Variants in VPS8 observed in about 807,000 individuals in gnomAD.
VPS8 encodes vacuolar protein sorting-associated protein 8 homolog.
VPS8 carries 129 observed loss-of-function variants against 216.4 expected under a neutral mutation model. That is an observed-to-expected ratio of 0.60 (90% CI 0.52 to 0.69). The LOEUF is 0.69. Ranked by LOEUF, VPS8 falls within the 30% of genes least tolerant of loss-of-function variation. The pLI, the probability that VPS8 is intolerant of heterozygous loss-of-function variation, is 0.00. For synonymous variants in VPS8, 571 were observed against 565.4 expected, an observed-to-expected ratio of 1.01 and a Z score of -0.14; for missense variants, 1,531 against 1,683.5, an observed-to-expected ratio of 0.91 and a Z score of 1.59.
chr3:184,971,654 AAAGAGG>A lies in VPS8; in HGVS notation c.3324_3329del (p.Lys1108_Asp1110delinsAsn). ...TACACTTTTTCTAAATCTAGATACC[AAAGAGG>A]ATCCCTCATTGAAGGATGTTGAAGA... On this transcript the variant is annotated inframe_deletion, in exon 40 of 48. Coordinates refer to ENST00000625842, the MANE Select transcript of VPS8 (RefSeq NM_001009921.3). 1 of 1,611,702 alleles carries A rather than the reference AAAGAGG, an allele frequency of 6.2e-7. No homozygotes were observed. Among genetic ancestry groups the A allele is most frequent in the Non-Finnish European group, 8.5e-7 (1 of 1,178,604 alleles).
rs946979717 is a variant in VPS8, at chr3:184,829,928, C to A, written c.223-2761C>A. ...TAATACAAGCCCTTTATTTGATGTA[C>A]ATATTTTATCTTCTTTCTTTCTGTA... is the stretch of plus-strand genomic sequence containing the variant. On this transcript the variant is annotated intron_variant, in intron 3 of 47. Transcript: ENST00000625842. 2.0e-5 allele frequency among the ~76,000 whole-genome samples: 3 copies of A among 151,936 alleles called. No individual in the cohort carries two copies. The South Asian group carries it at 6.2e-4, about 32-fold the overall frequency.
intron 22 of VPS8, among the ~76,000 whole-genome samples, chr3:184,888,149 G>T (rs1414181895): frequency 6.6e-6 from 1 of 151,910 alleles, no homozygotes; most frequent in Non-Finnish European, 1.5e-5. Context: ...CACCATGCCC[G>T]GCTAATTTTT....
At chr3:184,924,641 G>T (rs1431177082) in intron 29 of VPS8, among the ~76,000 whole-genome samples, 1 of 152,126 alleles carries the variant, frequency 6.6e-6, no homozygotes, top group Non-Finnish European at 1.5e-5. Flanking sequence ...CATCCGAATT[G>T]TGATAGAAAT....
chr3:185,052,379 T>C lies in VPS8; in HGVS notation c.*354T>C, dbSNP rs1561291382. ...TAGGTGGAACTCACACAAATGGCAT[T>C]CCAGAGTCTGCCATACTCCGTCTCC... On this transcript the variant is annotated 3_prime_UTR_variant, in exon 48 of 48. Transcript: ENST00000625842. The C allele has an allele frequency of 5.3e-6, 1 of 189,910 alleles. No individual in the cohort carries two copies. Among genetic ancestry groups the C allele is most frequent in the African/African-American group, 2.4e-5 (1 of 42,146 alleles). 11.8% of individuals were successfully genotyped at this position (189,910 alleles called of 1,614,324 possible). A position where few individuals can be genotyped will look rare whatever the true frequency, so the allele number is the denominator to read the frequency against.
At chr3:184,999,547 T>G (rs1209161388) in intron 44 of VPS8, 149 bp from the exon 45 acceptor site, 9 of 919,906 alleles carry the variant, frequency 9.8e-6, no homozygotes. Context: ...CAGCAGCAAG[T>G]ACATTCCCTT....
chr3:184,943,874 G>T (rs1383682924), intron 36 of VPS8, among the ~76,000 whole-genome samples: 3 of 152,214 alleles, frequency 2.0e-5, no homozygotes, highest in Non-Finnish European at 4.4e-5. Flanking sequence ...GGCCAAGGCG[G>T]GCGGACCACC....
chr3:185,009,190 AC>A (rs1754655749), intron 45 of VPS8, among the ~76,000 whole-genome samples: 1 of 152,240 alleles, frequency 6.6e-6, no homozygotes, highest in South Asian at 2.1e-4. Flanking sequence ...TGAAAGTAAT[AC>A]CAAGACATTG....
intron 39 of VPS8, among the ~76,000 whole-genome samples, chr3:184,968,138 T>C (rs1242536668): frequency 6.6e-6 from 1 of 152,230 alleles, no homozygotes; most frequent in African/African-American, 2.4e-5. Context: ...AATGAAATTA[T>C]ATAGTGTTTG....
At chr3:184,937,586 CTGTAGGAACAA>C (rs1741870200) in intron 35 of VPS8, among the ~76,000 whole-genome samples, 2 of 152,120 alleles carry the variant, frequency 1.3e-5, no homozygotes, top group Non-Finnish European at 2.9e-5. Flanking sequence ...GTGAAAAGTA[CTGTAGGAACAA>C]GAGAAGAGGG....
At position 184,834,794 on chromosome 3, in the gene VPS8, A is replaced by G; in HGVS notation, c.447+52A>G. Reference sequence around the variant, plus strand: ...CTTTGTAACCTGCAATGGCATAATGAAGTAGGAATGAGCATAGAACAAAAT... The same window carrying G: ...CTTTGTAACCTGCAATGGCATAATGGAGTAGGAATGAGCATAGAACAAAAT... On this transcript the variant is annotated intron_variant, in intron 5 of 47. Coordinates refer to ENST00000625842, the MANE Select transcript of VPS8 (RefSeq NM_001009921.3). 4 of 1,394,186 alleles carry G rather than the reference A, an allele frequency of 2.9e-6. No individual in the cohort carries two copies. In the South Asian group the frequency reaches 5.1e-5, roughly 18 times the overall value. 86.4% of individuals were successfully genotyped at this position (1,394,186 alleles called of 1,614,324 possible).
chr3:184,982,611 C>T lies in VPS8; in HGVS notation c.3466C>T (p.Leu1156=). 6.2e-7 allele frequency: 1 copy of T among 1,611,772 alleles called. No homozygotes were observed. Among genetic ancestry groups the T allele is most frequent in the Admixed American group, 1.7e-5 (1 of 59,718 alleles). The change falls in exon 41 of 48, where the codon CTG becomes TTG. Residue 1156 remains leucine, a synonymous_variant. Coordinates refer to ENST00000625842, the MANE Select transcript of VPS8 (RefSeq NM_001009921.3). ...LLEAMMAPQK[L]SSSAIPHLHS... ...GGAGGCAATGATGGCCCCTCAGAAGCTGTCCAGTTCAGCCATTCCTCATCT... is the reference window on the plus strand; with the variant it reads ...GGAGGCAATGATGGCCCCTCAGAAGTTGTCCAGTTCAGCCATTCCTCATCT...
chr3:184,847,209 T>G (rs1020962171), intron 8 of VPS8, among the ~76,000 whole-genome samples: 4 of 152,232 alleles, frequency 2.6e-5, no homozygotes, highest in Non-Finnish European at 5.9e-5. Flanking sequence ...GCTATGTAGT[T>G]ATACTCATTG....
chr3:184,953,030 T>C (rs1373795069), intron 36 of VPS8, among the ~76,000 whole-genome samples: 1 of 152,220 alleles, frequency 6.6e-6, no homozygotes, highest in Non-Finnish European at 1.5e-5. Flanking sequence ...AGGGGCCTAC[T>C]GAGGCATGTC....
chr3:184,957,710 T>C (rs538362088), intron 37 of VPS8, among the ~76,000 whole-genome samples, 189 bp downstream of exon 37: 21 of 152,384 alleles, frequency 1.4e-4, no homozygotes, highest in African/African-American at 4.8e-4. Flanking sequence ...TGATATGTGC[T>C]ATACCCATCA....
chr3:184,913,666 C>A, intron 26 of VPS8, 105 bp downstream of exon 26: 1 of 938,586 alleles, frequency 1.1e-6, no homozygotes, highest in Non-Finnish European at 1.5e-6. Context: ...TTTAATTTTG[C>A]ACAATTCTTT....
In VPS8 at chr3:184,849,029, C is replaced by G. The variant is rs1418548576; in HGVS notation, c.542-42C>G. ...TGCCTGTACTCGATGTATTTACTCT[C>G]TTGCATTTCCTTCACTTGACTTTAA... On this transcript the variant is annotated intron_variant, in intron 8 of 47. Coordinates refer to ENST00000625842, the MANE Select transcript of VPS8 (RefSeq NM_001009921.3). The G allele has an allele frequency of 2.1e-5, 34 of 1,608,268 alleles. No individual in the cohort carries two copies. In the East Asian group the frequency reaches 7.4e-4, roughly 35 times the overall value.
intron 2 of VPS8, among the ~76,000 whole-genome samples, chr3:184,825,273 C>A (rs1560270621): frequency 6.6e-6 from 1 of 152,218 alleles, no homozygotes; most frequent in Non-Finnish European, 1.5e-5. Flanking sequence ...TCACAACACT[C>A]TGATAATCCA....
At position 184,996,378 on chromosome 3, in the gene VPS8, GGTCATTGTGTAACCT is replaced by G; in HGVS notation, c.3715_3729del (p.Ser1239_Leu1243del). 6.2e-7 allele frequency: 1 copy of G among 1,613,634 alleles called. No homozygotes were observed. The highest frequency in any genetic ancestry group is 8.5e-7 in the Non-Finnish European group (1 of 1,179,750). On this transcript the variant is annotated inframe_deletion, in exon 44 of 48. Coordinates refer to ENST00000625842, the MANE Select transcript of VPS8 (RefSeq NM_001009921.3). ...AGCCTTCTAAACCAAGATCTCCATT[GGTCATTGTGTAACCT>G]GAGAGCTTCGGTCACCAGAGGACTG...
intron 5 of VPS8, 41 bp from the exon 6 acceptor site, chr3:184,838,673 T>G: frequency 6.7e-7 from 1 of 1,488,360 alleles, no homozygotes; most frequent in Non-Finnish European, 9.1e-7. Context: ...TGTTTTAAAA[T>G]GAGAATATTT....
Sources: gnomAD v4.1 joint callset for allele counts (sites outside exome capture counted in the v4.1 genomes callset) on GRCh38, gnomAD v4.1.1 for gene constraint, MANE v1.5 for transcripts, NCBI Gene and HGNC (gene_info 2026-07-23, HGNC 2026-07-21) for gene names.